ZNHIT6: variants seen among roughly 807,000 people sequenced by gnomAD.
ZNHIT6 encodes the protein box C/D snoRNA protein 1.
ZNHIT6 carries 45 observed loss-of-function variants against 57.2 expected under a neutral mutation model. That is an observed-to-expected ratio of 0.79 (90% CI 0.62 to 1.01). ZNHIT6 has a LOEUF of 1.01. Ranked by LOEUF, ZNHIT6 falls within the 50% of genes least tolerant of loss-of-function variation. ZNHIT6 has a pLI of 0.00. For missense variants in ZNHIT6, 528 were observed against 567.3 expected (o/e 0.93, Z 0.70); for synonymous variants, 188 against 190.0 (o/e 0.99, Z 0.09).
At chr1:85,672,700 C>G (rs1489283816) in intron 8 of ZNHIT6, among the ~76,000 whole-genome samples, 1 of 151,426 alleles carries the variant, frequency 6.6e-6, no homozygotes, top group Non-Finnish European at 1.5e-5. Context: ...CTTGTATAAA[C>G]TCCAATTTTT....
intron 5 of ZNHIT6, among the ~76,000 whole-genome samples, chr1:85,699,673 A>G (rs1245311432): frequency 6.6e-6 from 1 of 152,180 alleles, no homozygotes; most frequent in Non-Finnish European, 1.5e-5. Context: ...AAAAGTTTAA[A>G]TACATTGTAC....
At chr1:85,679,005 T>C (rs1367149617) in intron 6 of ZNHIT6, among the ~76,000 whole-genome samples, 1 of 152,108 alleles carries the variant, frequency 6.6e-6, no homozygotes, top group African/African-American at 2.4e-5. Context: ...AAAAACAACA[T>C]TTTGAGAAGT....
intron 9 of ZNHIT6, among the ~76,000 whole-genome samples, chr1:85,657,567 C>CA (rs898128585): frequency 2.0e-5 from 3 of 151,500 alleles, no homozygotes; most frequent in African/African-American, 4.8e-5. Context: ...TAAAAAAAGA[C>CA]AAAAAAATAC....
chr1:85,672,957 T>C (rs937105458), intron 8 of ZNHIT6, among the ~76,000 whole-genome samples: 4 of 152,244 alleles, frequency 2.6e-5, no homozygotes, highest in African/African-American at 9.6e-5. Context: ...TAGACAAAGT[T>C]GGTTGTTTTA....
At chr1:85,697,043 T>G (rs1662393018) in intron 5 of ZNHIT6, among the ~76,000 whole-genome samples, 1 of 151,468 alleles carries the variant, frequency 6.6e-6, no homozygotes, top group African/African-American at 2.4e-5. Flanking sequence ...CGTATTTTTT[T>G]TTTTTTTTAG....
At chr1:85,669,079 C>T (rs999844171) in intron 8 of ZNHIT6, among the ~76,000 whole-genome samples, 1 of 152,134 alleles carries the variant, frequency 6.6e-6, no homozygotes, top group Non-Finnish European at 1.5e-5. Flanking sequence ...TTTTCAACAA[C>T]TGCCCTAGAC....
rs1662742957 is a variant in ZNHIT6, at chr1:85,708,036, T to G, written c.249A>C (p.Ile83=). ...ACCTGCCTTCTGTACCTGGCCAGTC[T>G]ATAATTTCCTGCTTCACTACCGTTA... The part of the protein sequence containing the change: ...MDLTVVKQEI[I]DWPGTEGRLA... Residue 83 remains isoleucine, a synonymous_variant, in exon 1 of 10, where the codon ATA becomes ATC. Transcript: ENST00000370574. 1.9e-6 allele frequency: 3 copies of G among 1,614,152 alleles called. No individual in the cohort carries two copies. Among genetic ancestry groups the G allele is most frequent in the Non-Finnish European group, 2.5e-6 (3 of 1,180,022 alleles).
At chr1:85,702,489 A>G (rs1199223977) in intron 4 of ZNHIT6, among the ~76,000 whole-genome samples, 1 of 152,198 alleles carries the variant, frequency 6.6e-6, no homozygotes, top group Non-Finnish European at 1.5e-5. Context: ...GCTATCCCAG[A>G]GAGATAGAAC....
chr1:85,657,941 G>C lies in ZNHIT6; in HGVS notation c.1278C>G (p.Leu426=), dbSNP rs147789851. 214 of 1,570,186 alleles carry C rather than the reference G, an allele frequency of 1.4e-4. 1 individual carries two copies. In the African/African-American group the frequency reaches 2.6e-3, roughly 19 times the overall value. Residue 426 remains leucine, a synonymous_variant, in exon 9 of 10, where the codon CTC becomes CTG. Transcript: ENST00000370574. ...TCACTTTGTTCCTCAAATTGTCTAG[G>C]AGACTTTTATAAGGATCTAGTTCAT... ...RYYELDPYKS[L]LDNLRNKVII...
At chr1:85,703,621 T>G (rs1328990831) in intron 4 of ZNHIT6, among the ~76,000 whole-genome samples, 1 of 152,166 alleles carries the variant, frequency 6.6e-6, no homozygotes, top group Non-Finnish European at 1.5e-5. Flanking sequence ...CTGTATATGA[T>G]ACCAAAAATC....
chr1:85,707,547 C>T, intron 1 of ZNHIT6, 82 bp downstream of exon 1: 9 of 1,418,808 alleles, frequency 6.3e-6, no homozygotes, highest in Non-Finnish European at 8.5e-6. Flanking sequence ...ATTCCACCTT[C>T]TCCTGATAGT....
At chr1:85,677,867 G>A (rs1009328617) in intron 7 of ZNHIT6, among the ~76,000 whole-genome samples, 5 of 152,190 alleles carry the variant, frequency 3.3e-5, no homozygotes, top group African/African-American at 1.2e-4. Flanking sequence ...TGAAAATAAA[G>A]TCAACCGGGT....
intron 8 of ZNHIT6, among the ~76,000 whole-genome samples, chr1:85,670,972 C>T (rs1411225974): frequency 7.1e-6 from 1 of 140,904 alleles, no homozygotes; most frequent in African/African-American, 2.5e-5. Context: ...AAATTCGAAA[C>T]ACACACATCA....
rs1195052827 is a variant in ZNHIT6 at position 85,708,363 on chromosome 1, C to A, written c.-79G>T. ...CACACCAATAGGAGGAATTACCGGTCGGAATACCTACGGCGGCCCACGTGT... is the reference window on the plus strand; with the variant it reads ...CACACCAATAGGAGGAATTACCGGTAGGAATACCTACGGCGGCCCACGTGT... On this transcript the variant is annotated 5_prime_UTR_variant, in exon 1 of 10. Coordinates refer to ENST00000370574, the MANE Select transcript of ZNHIT6 (RefSeq NM_017953.4). 4.7e-6 allele frequency: 7 copies of A among 1,501,744 alleles called. No individual in the cohort carries two copies. The African/African-American group carries it at 5.5e-5, about 12-fold the overall frequency. The allele number at this position is 1,501,744 out of a possible 1,614,324, so 93.0% of individuals were successfully genotyped here. A position where few individuals can be genotyped will look rare whatever the true frequency, so the allele number is the denominator to read the frequency against.
chr1:85,655,979 G>A (rs942384432), intron 9 of ZNHIT6, among the ~76,000 whole-genome samples: 4 of 152,126 alleles, frequency 2.6e-5, no homozygotes, highest in African/African-American at 9.7e-5. Context: ...TTAGGAAAGA[G>A]ACAACTTGTA....
intron 8 of ZNHIT6, among the ~76,000 whole-genome samples, chr1:85,671,011 C>A (rs1396890118): frequency 6.6e-6 from 1 of 152,154 alleles, no homozygotes; most frequent in African/African-American, 2.4e-5. Context: ...GTAATGAAAT[C>A]TAGACATGTT....
rs1173322472 is a variant in ZNHIT6, at chr1:85,652,836, C to A, written c.*1222G>T. ...ATGTAACAATCTTTTTACTCTCTTA[C>A]AGTCATATTGCAGTTTCACAGTGGT... On this transcript the variant is annotated 3_prime_UTR_variant, in exon 10 of 10. Coordinates refer to ENST00000370574, the MANE Select transcript of ZNHIT6 (RefSeq NM_017953.4). 7 of 152,198 alleles carry A rather than the reference C, an allele frequency of 4.6e-5. No individual in the cohort carries two copies. The highest frequency in any genetic ancestry group is 1.4e-4 in the African/African-American group (6 of 41,458). The allele number at this position is 152,198 out of a possible 1,614,324, so 9.4% of individuals were successfully genotyped here.
intron 8 of ZNHIT6, among the ~76,000 whole-genome samples, chr1:85,667,895 C>A (rs1331164803): frequency 7.3e-6 from 1 of 137,876 alleles, no homozygotes; most frequent in African/African-American, 2.7e-5. Context: ...AATTGCGCGA[C>A]TGCACTCTAG....
intron 7 of ZNHIT6, 80 bp downstream of exon 7, chr1:85,678,621 T>C: frequency 3.2e-6 from 3 of 943,766 alleles, no homozygotes; most frequent in Non-Finnish European, 4.9e-6. Context: ...CACATCACAT[T>C]CTAATAGTCA....
Sources: gnomAD v4.1 joint callset for allele counts (sites outside exome capture counted in the v4.1 genomes callset) on GRCh38, gnomAD v4.1.1 for gene constraint, MANE v1.5 for transcripts, NCBI Gene and HGNC (gene_info 2026-07-23, HGNC 2026-07-21) for gene names.